ATXN7L1: variants seen among roughly 807,000 people sequenced by gnomAD.
ATXN7L1 encodes ataxin-7-like protein 1.
Under a neutral mutation model 70.8 loss-of-function variants are expected in ATXN7L1, and 15 were observed. That is an observed-to-expected ratio of 0.21 (90% CI 0.14 to 0.33). The LOEUF is 0.33. Among genes scored for constraint, ATXN7L1 ranks in the 10% least tolerant of loss-of-function variants. The pLI is 1.00. For synonymous variants in ATXN7L1, 440 were observed against 445.1 expected (o/e 0.99, Z 0.14); for missense variants, 975 against 1,097.1 (o/e 0.89, Z 1.57).
In ATXN7L1 at chr7:105,706,319, G is replaced by C. The variant is rs957182786; in HGVS notation, c.356-41031C>G. Among the ~76,000 whole-genome samples, 3 of 151,828 alleles carry C rather than the reference G, an allele frequency of 2.0e-5. No homozygotes were observed. The South Asian group carries it at 6.2e-4, about 32-fold the overall frequency. On this transcript the variant is annotated intron_variant, in intron 3 of 11. Coordinates refer to ENST00000419735, the MANE Select transcript of ATXN7L1 (RefSeq NM_020725.2). ...AGTGATTCTCCTGCCTCAGCCTCTG[G>C]AGTAGCTGGGATTACAGGCGTGCAT...
chr7:105,760,209 T>C (rs1279773774), intron 3 of ATXN7L1: 27 of 984,756 alleles, frequency 2.7e-5, no homozygotes, highest in Admixed American at 1.2e-4. Flanking sequence ...AATAGATGTT[T>C]AATGACCCAG....
intron 3 of ATXN7L1, among the ~76,000 whole-genome samples, chr7:105,665,760 C>T (rs1033625256): frequency 1.3e-5 from 2 of 152,308 alleles, no homozygotes; most frequent in Non-Finnish European, 2.9e-5. Context: ...TAAGACGGAC[C>T]AGCAGGCTTG....
intron 8 of ATXN7L1, among the ~76,000 whole-genome samples, chr7:105,621,765 G>A (rs776174562): frequency 2.0e-5 from 3 of 152,096 alleles, no homozygotes; most frequent in Non-Finnish European, 4.4e-5. Context: ...GCAGCTCCCT[G>A]GCCTCTCTCC....
At chr7:105,660,200 G>T (rs1274584052) in intron 4 of ATXN7L1, among the ~76,000 whole-genome samples, 1 of 152,078 alleles carries the variant, frequency 6.6e-6, no homozygotes, top group Non-Finnish European at 1.5e-5. Flanking sequence ...CGTTCTTGCT[G>T]CTTCCTGTGT....
chr7:105,773,973 T>C (rs78908063), intron 3 of ATXN7L1, among the ~76,000 whole-genome samples: 8,786 of 152,082 alleles, frequency 0.058, 469 homozygotes, highest in East Asian at 0.19. Flanking sequence ...TCACAAACAT[T>C]ACAAGCCACA....
At position 105,803,121 on chromosome 7, in the gene ATXN7L1, A is replaced by G. The variant is rs116629464; in HGVS notation, c.251-14413T>C. 7.7e-3 allele frequency among the ~76,000 whole-genome samples: 1,170 copies of G among 152,332 alleles called. 16 individuals carry two copies. The highest frequency in any genetic ancestry group is 0.027 in the African/African-American group (1,129 of 41,570). ...CTGTGTCAAATCCGTCAGCCAGCCA[A>G]CTTCAACTGAGACTCTTAACAGGAC... On this transcript the variant is annotated intron_variant, in intron 2 of 11. Coordinates refer to ENST00000419735, the MANE Select transcript of ATXN7L1 (RefSeq NM_020725.2).
intron 3 of ATXN7L1, among the ~76,000 whole-genome samples, chr7:105,699,915 G>A (rs1792220281): frequency 6.6e-6 from 1 of 152,130 alleles, no homozygotes; most frequent in African/African-American, 2.4e-5. Context: ...CTAATTTCCT[G>A]AACTTGGAAA....
chr7:105,694,605 C>T lies in ATXN7L1; in HGVS notation c.356-29317G>A, dbSNP rs371418225. On this transcript the variant is annotated intron_variant, in intron 3 of 11. Transcript: ENST00000419735. ...CAATCCTGGGTCTCAGCCTCATGGC[C>T]GATAATGTACGCTGGTGTGCAGCTT... Among the ~76,000 whole-genome samples, 64 of 152,206 alleles carry T rather than the reference C, an allele frequency of 4.2e-4. No individual in the cohort carries two copies. The South Asian group carries it at 8.7e-3, about 21-fold the overall frequency.
intron 3 of ATXN7L1, among the ~76,000 whole-genome samples, chr7:105,775,698 T>G (rs1802629970): frequency 6.6e-6 from 1 of 152,056 alleles, no homozygotes; most frequent in Non-Finnish European, 1.5e-5. Context: ...TCCTCCAGAG[T>G]TGGGAAACAT....
At position 105,763,940 on chromosome 7, in the gene ATXN7L1, G is replaced by A. The variant is rs747546132; in HGVS notation, c.355+24664C>T. Reference sequence around the variant, plus strand: ...GTGTTCTCGGTTCACTGCAACCTCCGCCTCTCGGGTTCAAGTGATTCTCCT... The same window carrying A: ...GTGTTCTCGGTTCACTGCAACCTCCACCTCTCGGGTTCAAGTGATTCTCCT... On this transcript the variant is annotated intron_variant, in intron 3 of 11. Transcript: ENST00000419735. Among the ~76,000 whole-genome samples, 10 of 151,940 alleles carry A rather than the reference G, an allele frequency of 6.6e-5. No individual in the cohort carries two copies. The East Asian group carries it at 1.2e-3, about 18-fold the overall frequency.
intron 3 of ATXN7L1, among the ~76,000 whole-genome samples, chr7:105,765,475 G>A (rs1012850441): frequency 6.6e-6 from 1 of 152,184 alleles, no homozygotes; most frequent in African/African-American, 2.4e-5. Context: ...ACAGTCTGCA[G>A]ATGAACAGAG....
chr7:105,786,277 C>G (rs1195901326), intron 3 of ATXN7L1, among the ~76,000 whole-genome samples: 1 of 152,160 alleles, frequency 6.6e-6, no homozygotes, highest in African/African-American at 2.4e-5. Context: ...GCTCCCAAAG[C>G]CATGGGCTGT....
intron 3 of ATXN7L1, among the ~76,000 whole-genome samples, chr7:105,696,347 A>C (rs1180829274): frequency 6.6e-6 from 1 of 152,214 alleles, no homozygotes; most frequent in Non-Finnish European, 1.5e-5. Context: ...GCTGCCTGAA[A>C]GAATATGGGT....
intron 2 of ATXN7L1, among the ~76,000 whole-genome samples, chr7:105,809,710 T>A (rs1004325134): frequency 2.6e-5 from 4 of 151,892 alleles, no homozygotes; most frequent in Non-Finnish European, 5.9e-5. Flanking sequence ...ATGAGGAAAC[T>A]GAGGCAAAGG....
intron 2 of ATXN7L1, among the ~76,000 whole-genome samples, chr7:105,845,204 CAAAAAAAAAAAAAA>C (rs3057532): frequency 4.8e-5 from 3 of 62,990 alleles, no homozygotes; most frequent in Non-Finnish European, 2.8e-5. Flanking sequence ...AACTCTGTCT[CAAAAAAAAAAAAAA>C]AAAAAAAAAA....
intron 4 of ATXN7L1, among the ~76,000 whole-genome samples, chr7:105,643,915 A>G (rs1798621462): frequency 1.3e-5 from 2 of 152,140 alleles, no homozygotes; most frequent in African/African-American, 4.8e-5. Flanking sequence ...TTCTTCTTTA[A>G]TGCTGAAGGA....
chr7:105,806,808 C>T (rs978053727), intron 2 of ATXN7L1, among the ~76,000 whole-genome samples: 1 of 152,074 alleles, frequency 6.6e-6, no homozygotes, highest in Non-Finnish European at 1.5e-5. Flanking sequence ...AGAGAAGCCA[C>T]GTGGGAAGCA....
chr7:105,633,113 G>T (rs1796847954), intron 7 of ATXN7L1, among the ~76,000 whole-genome samples: 1 of 152,064 alleles, frequency 6.6e-6, no homozygotes, highest in African/African-American at 2.4e-5. Context: ...GTAGGGAAAT[G>T]ATTTTCAATC....
Position 105,638,527 on chromosome 7 carries a change from G to A in ATXN7L1, c.1028C>T (p.Ser343Phe). The A allele has an allele frequency of 1.9e-6, 3 of 1,552,192 alleles. No homozygotes were observed. Among genetic ancestry groups the A allele is most frequent in the Non-Finnish European group, 2.6e-6 (3 of 1,147,106 alleles). ...DLLLAEHKAK[S>F]REKEVKDKEH... Reference sequence around the variant, plus strand: ...TTTATCTTTAACTTCTTTTTCCCGGGACTTTGCTTTGTGTTCTGCCAGGAG... The same window carrying A: ...TTTATCTTTAACTTCTTTTTCCCGGAACTTTGCTTTGTGTTCTGCCAGGAG... Residue 343 changes from serine to phenylalanine, a missense_variant, in exon 7 of 12, where the codon TCC becomes TTC. Around this residue, in one of 5 missense-constraint regions of ATXN7L1, gnomAD observed 635 missense variants for 699.4 expected, o/e 0.91. Coordinates refer to ENST00000419735, the MANE Select transcript of ATXN7L1 (RefSeq NM_020725.2).
Sources: gnomAD v4.1 joint callset for allele counts (sites outside exome capture counted in the v4.1 genomes callset) on GRCh38, gnomAD v4.1.1 for gene constraint, gnomAD v4.1.1 regional missense constraint, MANE v1.5 for transcripts, NCBI Gene and HGNC (gene_info 2026-07-23, HGNC 2026-07-21) for gene names.